The following CCDC77 variants were observed in gnomAD, a reference collection of about 807,000 sequenced individuals.
CCDC77 encodes the protein coiled-coil domain containing 77, also known as coiled-coil domain-containing protein 77.
Under a neutral mutation model 66.8 loss-of-function variants are expected in CCDC77, and 56 were observed. The ratio of observed to expected loss-of-function variants is 0.84; its 90% CI spans 0.68 to 1.05. The LOEUF is 1.05. CCDC77 is among the 50% of genes least tolerant of loss of function. CCDC77 has a pLI of 0.00. For synonymous variants in CCDC77, 196 were observed against 195.2 expected, an observed-to-expected ratio of 1.00 and a Z score of -0.03; for missense variants, 570 against 576.8, an observed-to-expected ratio of 0.99 and a Z score of 0.12.
chr12:413,391 C>T (rs1022812675), intron 4 of CCDC77, among the ~76,000 whole-genome samples: 13 of 150,014 alleles, frequency 8.7e-5, no homozygotes, highest in African/African-American at 3.0e-4. Context: ...TGCCTGCCAC[C>T]ATGCCCAGCT....
chr12:424,923 T>C (rs560189871), intron 5 of CCDC77, among the ~76,000 whole-genome samples: 10 of 151,200 alleles, frequency 6.6e-5, no homozygotes, highest in South Asian at 6.3e-4. Flanking sequence ...TTCTTTCTTT[T>C]TTTTTTTTTT....
rs764902135 is a variant in CCDC77 at position 438,353 on chromosome 12, ACTG to A, written c.843_845del (p.Leu282del). ...TTCCTAGTCTTCACCACACCCAAGA[ACTG>A]CTCTATGAGAGCACCAAAGATTTTC... On this transcript the variant is annotated inframe_deletion, in exon 10 of 13. Coordinates refer to ENST00000239830, the MANE Select transcript of CCDC77 (RefSeq NM_032358.4). 1 of 1,612,942 alleles carries A rather than the reference ACTG, an allele frequency of 6.2e-7. No homozygotes were observed. Among genetic ancestry groups the A allele is most frequent in the East Asian group, 2.2e-5 (1 of 44,870 alleles).
intron 1 of CCDC77, among the ~76,000 whole-genome samples, chr12:403,459 A>G (rs189231657): frequency 1.3e-3 from 200 of 152,344 alleles, no homozygotes; most frequent in African/African-American, 4.7e-3. Flanking sequence ...GTCTGATATC[A>G]GAGCCCACAT....
chr12:431,960 G>T lies in CCDC77; in HGVS notation c.672+6G>T. On this transcript the variant is annotated splice_donor_region_variant and intron_variant, in intron 8 of 12. Transcript: ENST00000239830. ...TACAGACACTCATCCTACAGGTAAA[G>T]AATGTATTTTGGCAGACCAAGATGG... The T allele has an allele frequency of 3.1e-6, 5 of 1,596,768 alleles. No individual in the cohort carries two copies. Among genetic ancestry groups the T allele is most frequent in the Non-Finnish European group, 4.3e-6 (5 of 1,167,076 alleles).
intron 4 of CCDC77, among the ~76,000 whole-genome samples, chr12:412,615 T>A (rs1256757863): frequency 6.6e-6 from 1 of 152,176 alleles, no homozygotes; most frequent in Non-Finnish European, 1.5e-5. Context: ...ATCAAGAATC[T>A]CTCCAGACAT....
chr12:398,899 A>G (rs1008000291), upstream of CCDC77, among the ~76,000 whole-genome samples: 1 of 151,880 alleles, frequency 6.6e-6, no homozygotes, highest in African/African-American at 2.4e-5. Flanking sequence ...AGCCAGGTGC[A>G]TGCCACCACT....
intron 1 of CCDC77, among the ~76,000 whole-genome samples, chr12:394,527 T>C (rs1295063784): frequency 2.0e-5 from 3 of 152,346 alleles, no homozygotes; most frequent in Admixed American, 6.5e-5. Flanking sequence ...AAAGTGAACA[T>C]GGCAAATAGC....
At chr12:405,201 T>C (rs144582838) in intron 1 of CCDC77, among the ~76,000 whole-genome samples, 304 of 152,318 alleles carry the variant, frequency 2.0e-3, no homozygotes, top group African/African-American at 7.0e-3. Context: ...CAAAAGACCA[T>C]ATACTATGTG....
At chr12:390,767 T>C (rs1443918884) in intron 1 of CCDC77, among the ~76,000 whole-genome samples, 2 of 139,002 alleles carry the variant, frequency 1.4e-5, no homozygotes, top group African/African-American at 6.2e-5. Flanking sequence ...ACACATCTTA[T>C]TGGTTCTGTT....
chr12:433,597 A>T, intron 9 of CCDC77: 4 of 504,024 alleles, frequency 7.9e-6, no homozygotes, highest in Non-Finnish European at 1.1e-5. Context: ...GGCCGGGTGC[A>T]GTGGCTCACG....
rs74411946 is a variant in CCDC77, at chr12:433,345, C to T, written c.821+23C>T. The T allele has an allele frequency of 8.9e-4, 1,436 of 1,610,566 alleles. 13 individuals carry two copies. In the African/African-American group the frequency reaches 0.017, roughly 19 times the overall value. On this transcript the variant is annotated intron_variant, in intron 9 of 12. Transcript: ENST00000239830. ...AAAGTGAGTGTCTAAGAAAGCTGTA[C>T]CTAACGGGTATTGTATTTTTCTGAG...
chr12:406,966 G>C (rs1298550047), intron 2 of CCDC77, among the ~76,000 whole-genome samples: 1 of 152,122 alleles, frequency 6.6e-6, no homozygotes, highest in Non-Finnish European at 1.5e-5. Flanking sequence ...AAAGTGGAAC[G>C]AGGAGACCAG....
intron 4 of CCDC77, among the ~76,000 whole-genome samples, chr12:416,970 C>T (rs934074289): frequency 1.3e-5 from 2 of 151,784 alleles, no homozygotes; most frequent in African/African-American, 4.8e-5. Flanking sequence ...CAAAACCTGT[C>T]TCTATTAAAA....
rs139150349 is a variant in CCDC77 at position 441,894 on chromosome 12, C to T, written c.1441C>T (p.Leu481=). The change falls in exon 13 of 13, where the codon CTG becomes TTG. Residue 481 remains leucine, a synonymous_variant. Transcript: ENST00000239830. ...LKNLKSKVFG[L]ENELRLC is the part of the protein sequence containing the mutation. ...GAATCTTAAGTCGAAAGTGTTTGGT[C>T]TGGAGAATGAACTTAGACTCTGTTA... 6.2e-7 allele frequency: 1 copy of T among 1,614,002 alleles called. No individual in the cohort carries two copies. The highest frequency in any genetic ancestry group is 1.7e-4 in the Middle Eastern group (1 of 6,058).
intron 5 of CCDC77, among the ~76,000 whole-genome samples, chr12:422,221 C>T (rs200928633): frequency 7.7e-4 from 97 of 125,762 alleles, no homozygotes; most frequent in Admixed American, 1.2e-3. Flanking sequence ...ACACTCCATG[C>T]TCCATTACAG....
At chr12:389,552 G>GGCGAGGCGAA in intron 1 of CCDC77, 1 of 266,270 alleles carries the variant, frequency 3.8e-6, no homozygotes, top group East Asian at 6.7e-5. Flanking sequence ...AAGCCGACGG[G>GGCGAGGCGAA]GCGAGGCGGG....
intron 1 of CCDC77, among the ~76,000 whole-genome samples, chr12:403,171 G>A (rs530761203): frequency 6.6e-6 from 1 of 152,304 alleles, no homozygotes; most frequent in East Asian, 1.9e-4. Context: ...TTAGATGACA[G>A]AGTTAATAAT....
intron 3 of CCDC77, among the ~76,000 whole-genome samples, chr12:411,419 A>G (rs889207744): frequency 4.6e-5 from 7 of 151,856 alleles, no homozygotes; most frequent in South Asian, 2.1e-4. Context: ...AGCTCAGGCA[A>G]TCTGCCTGCT....
chr12:426,828 G>A (rs1945540533), intron 5 of CCDC77, among the ~76,000 whole-genome samples: 1 of 152,104 alleles, frequency 6.6e-6, no homozygotes, highest in Non-Finnish European at 1.5e-5. Context: ...CTCTTCCCCA[G>A]TATACAGTTA....
Sources: gnomAD v4.1 joint callset for allele counts (sites outside exome capture counted in the v4.1 genomes callset) on GRCh38, gnomAD v4.1.1 for gene constraint, MANE v1.5 for transcripts, NCBI Gene and HGNC (gene_info 2026-07-23, HGNC 2026-07-21) for gene names.